Variants in TENM1 observed in about 807,000 individuals in gnomAD.
TENM1 encodes the protein teneurin transmembrane protein 1.
Under a neutral mutation model 174.8 loss-of-function variants are expected in TENM1, and 35 were observed. The observed-to-expected ratio is 0.20, with a 90% CI of 0.15 to 0.27. TENM1 has a LOEUF of 0.27. TENM1 is among the 10% of genes least tolerant of loss of function. TENM1 has a pLI of 1.00. For missense variants in TENM1, 1,633 were observed against 2,130.1 expected, an observed-to-expected ratio of 0.77 and a Z score of 4.59; for synonymous variants, 781 against 798.7, an observed-to-expected ratio of 0.98 and a Z score of 0.37.
intron 18 of TENM1, among the ~76,000 whole-genome samples, chrX:124,505,888 C>A (rs139972281): frequency 0.019 from 2,161 of 111,289 alleles, 44 homozygotes; most frequent in African/African-American, 0.059. Context: ...AAATTGCATT[C>A]TTTCTAGATT....
chrX:125,038,471 T>C, the TENM1 span, among the ~76,000 whole-genome samples: 1 of 111,331 alleles, frequency 9.0e-6, no homozygotes, highest in South Asian at 3.7e-4. Flanking sequence ...GTGCTATATA[T>C]ATTTTGCTTT....
At chrX:124,487,256 G>T (rs1423951757) in intron 20 of TENM1, 27 bp from the exon 24 acceptor site, 1 of 1,159,554 alleles carries the variant, frequency 8.6e-7, no homozygotes. Context: ...ATCCACGAGT[G>T]GCAAGCAAAA....
intron 3 of TENM1, among the ~76,000 whole-genome samples, chrX:124,822,361 C>G (rs181173371): frequency 1.6e-3 from 185 of 112,229 alleles, no homozygotes; most frequent in Non-Finnish European, 3.0e-3. Context: ...CATTTCGTTA[C>G]AGCAACTAAG....
At chrX:124,539,385 T>C (rs2048272783) in intron 15 of TENM1, among the ~76,000 whole-genome samples, 1 of 111,905 alleles carries the variant, frequency 8.9e-6, no homozygotes, top group East Asian at 2.8e-4. Context: ...ACAGTATTTA[T>C]ACCTTCCTGA....
chrX:124,815,609 C>T (rs892883099), intron 3 of TENM1, among the ~76,000 whole-genome samples: 4 of 111,013 alleles, frequency 3.6e-5, no homozygotes, highest in Non-Finnish European at 7.6e-5. Flanking sequence ...CTTTAAAATA[C>T]CCTCAGTATG....
In TENM1 at chrX:124,646,633, G is replaced by A. The variant is rs755974932; in HGVS notation, c.1681+76C>T. The A allele has an allele frequency of 7.0e-5, 51 of 724,940 alleles. No individual in the cohort carries two copies. In the African/African-American group the frequency reaches 9.2e-4, roughly 13 times the overall value. 59.7% of individuals were successfully genotyped at this position (724,940 alleles called of 1,213,427 possible). A position where few individuals can be genotyped will look rare whatever the true frequency, so the allele number is the denominator to read the frequency against. On this transcript the variant is annotated intron_variant, in intron 9 of 31. Transcript: ENST00000422452. ...CACCACTACTAATGTTACTTACTAT[G>A]ACTATTACTACTAATTCTGGGTTAT... is the stretch of plus-strand genomic sequence containing the variant.
chrX:124,951,662 ATATATATAT>A (rs200549437), intron 1 of TENM1, among the ~76,000 whole-genome samples: 1 of 62,119 alleles, frequency 1.6e-5, no homozygotes, highest in African/African-American at 4.9e-5. Flanking sequence ...ATATATATAT[ATATATATAT>A]ATAACAATCA....
At chrX:124,481,866 G>T (rs767838766) in exon 22 of TENM1, 2 of 1,205,659 alleles carry the variant, frequency 1.7e-6, no homozygotes, top group East Asian at 3.0e-5. Flanking sequence ...CTCCACAAGA[G>T]ATTTCAACTT....
chrX:124,894,188 G>C lies in TENM1; in HGVS notation c.535+108C>G. 3 of 554,594 alleles carry C rather than the reference G, an allele frequency of 5.4e-6. No homozygotes were observed. In the South Asian group the frequency reaches 8.1e-5, roughly 15 times the overall value. The allele number at this position is 554,594 out of a possible 1,213,427, so 45.7% of individuals were successfully genotyped here. ...ATTCTCTGACAGGTTCATTGAGCAG[G>C]CTTGTATGTTGTTTGTCAGAGAAGC... On this transcript the variant is annotated intron_variant, in intron 3 of 31. Coordinates refer to ENST00000422452, the Ensembl canonical transcript of TENM1.
At chrX:125,134,423 G>A in the TENM1 span, among the ~76,000 whole-genome samples, 1 of 112,323 alleles carries the variant, frequency 8.9e-6, no homozygotes. Flanking sequence ...TGACCAAGTT[G>A]CTTGTATGTT....
At chrX:125,093,233 C>G in the TENM1 span, among the ~76,000 whole-genome samples, 1 of 111,653 alleles carries the variant, frequency 9.0e-6, no homozygotes, top group Admixed American at 9.6e-5. Context: ...TTGCTGCTCT[C>G]AAATCTCAAA....
At chrX:124,966,579 G>A (rs1199526926), upstream of TENM1, among the ~76,000 whole-genome samples, 1 of 106,113 alleles carries the variant, frequency 9.4e-6, no homozygotes, top group East Asian at 2.9e-4. Flanking sequence ...GGAGAATGGC[G>A]TGAACCTGGG....
At chrX:124,847,171 T>C (rs1004940310) in intron 3 of TENM1, among the ~76,000 whole-genome samples, 7 of 111,271 alleles carry the variant, frequency 6.3e-5, no homozygotes, top group African/African-American at 2.3e-4. Context: ...GTATGTACTC[T>C]CAGTCACCAA....
At chrX:125,125,243 C>T in the TENM1 span, among the ~76,000 whole-genome samples, 1 of 112,009 alleles carries the variant, frequency 8.9e-6, no homozygotes, top group Admixed American at 9.5e-5. Context: ...CACATGACCT[C>T]ATCAGGTTTG....
the TENM1 span, among the ~76,000 whole-genome samples, chrX:125,049,019 C>A: frequency 9.0e-6 from 1 of 111,671 alleles, no homozygotes; most frequent in African/African-American, 3.2e-5. Flanking sequence ...TACAAAGCTG[C>A]CAAGTGCAAT....
intron 11 of TENM1, among the ~76,000 whole-genome samples, chrX:124,615,705 A>G (rs1441980156): frequency 8.9e-6 from 1 of 111,765 alleles, no homozygotes; most frequent in Non-Finnish European, 1.9e-5. Flanking sequence ...GGTTTTTAGT[A>G]GTGAGATATA....
the TENM1 span, among the ~76,000 whole-genome samples, chrX:125,001,921 G>A: frequency 1.3e-5 from 1 of 74,466 alleles, no homozygotes; most frequent in Non-Finnish European, 2.5e-5. Flanking sequence ...TCTGTCTAGA[G>A]AGATCACACA....
At position 124,713,116 on chromosome X, in the gene TENM1, G is replaced by A. The variant is rs543176862; in HGVS notation, c.777-7865C>T. On this transcript the variant is annotated intron_variant, in intron 4 of 31. Transcript: ENST00000422452. The stretch of plus-strand genomic sequence containing the variant: ...AGTGTTGATAAAAATTCCATGCTCC[G>A]TCCACATCGTTCATAATTTTAAGAG... Among the ~76,000 whole-genome samples the A allele has an allele frequency of 8.2e-4, 91 of 111,323 alleles. 1 individual carries two copies. In the South Asian group the frequency reaches 0.028, roughly 35 times the overall value.
At chrX:124,649,175 C>T (rs2051234910) in intron 8 of TENM1, among the ~76,000 whole-genome samples, 1 of 112,203 alleles carries the variant, frequency 8.9e-6, no homozygotes, top group Non-Finnish European at 1.9e-5. Flanking sequence ...GAATTACTTC[C>T]TAGAGTCCAG....
Sources: allele counts gnomAD v4.1 joint callset (sites outside exome capture counted in the v4.1 genomes callset), GRCh38; gene constraint gnomAD v4.1.1; transcripts MANE v1.5; gene names NCBI Gene and HGNC (gene_info 2026-07-23, HGNC 2026-07-21).